GRID2: variants seen among roughly 807,000 people sequenced by gnomAD.
GRID2 encodes glutamate receptor ionotropic, delta-2.
In GRID2, 33 loss-of-function variants were observed where a neutral mutation model predicts 114.8. That is an observed-to-expected ratio of 0.29 (90% CI 0.22 to 0.38). GRID2 has a LOEUF of 0.38. GRID2 is among the 10% of genes least tolerant of loss of function. GRID2 has a pLI of 1.00. For missense variants in GRID2, 1,184 were observed against 1,257.7 expected (o/e 0.94, Z 0.89); for synonymous variants, 505 against 449.9 (o/e 1.12, Z -1.55).
chr4:92,705,980 G>A (rs1176147534), intron 2 of GRID2, among the ~76,000 whole-genome samples: 1 of 152,166 alleles, frequency 6.6e-6, no homozygotes, highest in Admixed American at 6.5e-5. Flanking sequence ...TTATTAGAGT[G>A]AAACGTTAGT....
At chr4:93,007,119 G>C (rs1721618618) in intron 2 of GRID2, among the ~76,000 whole-genome samples, 1 of 152,024 alleles carries the variant, frequency 6.6e-6, no homozygotes, top group South Asian at 2.1e-4. Flanking sequence ...TCAGCCATTA[G>C]GTAGCTACAG....
chr4:93,517,844 C>A lies in GRID2; in HGVS notation c.2193+2433C>A, dbSNP rs1024508480. On this transcript the variant is annotated intron_variant, in intron 13 of 15. Coordinates refer to ENST00000282020, the MANE Select transcript of GRID2 (RefSeq NM_001510.4). ...TCAGAGGTCTTTTAGGTCAACATTT[C>A]ACAAAAGGCCACACTTCTTCTATAA... Among the ~76,000 whole-genome samples the A allele has an allele frequency of 2.6e-5, 4 of 150,956 alleles. No homozygotes were observed. In the East Asian group the frequency reaches 7.9e-4, roughly 30 times the overall value.
chr4:93,390,730 TAG>T (rs1472834481), intron 8 of GRID2, among the ~76,000 whole-genome samples: 1 of 152,132 alleles, frequency 6.6e-6, no homozygotes, highest in Non-Finnish European at 1.5e-5. Flanking sequence ...TAGTTGATAA[TAG>T]AGTGATTATT....
intron 4 of GRID2, among the ~76,000 whole-genome samples, chr4:93,194,649 T>A (rs780805596): frequency 2.6e-5 from 4 of 152,198 alleles, no homozygotes; most frequent in Non-Finnish European, 5.9e-5. Context: ...ATGTGTCTGG[T>A]ACATTCTTCA....
chr4:93,426,591 C>A (rs921829394), intron 10 of GRID2, among the ~76,000 whole-genome samples: 1 of 151,936 alleles, frequency 6.6e-6, no homozygotes, highest in Admixed American at 6.6e-5. Context: ...ACTTTTTCAC[C>A]TATAAAAATG....
At chr4:92,538,981 G>A (rs1007294342) in intron 1 of GRID2, among the ~76,000 whole-genome samples, 5 of 150,774 alleles carry the variant, frequency 3.3e-5, no homozygotes, top group Non-Finnish European at 5.9e-5. Context: ...GGCGCAGCTT[G>A]CAGTGAGCCG....
At chr4:93,770,544 C>T (rs1734022858) in intron 15 of GRID2, among the ~76,000 whole-genome samples, 1 of 152,122 alleles carries the variant, frequency 6.6e-6, no homozygotes. Flanking sequence ...TAAGGAAAAG[C>T]TTGGCTTTAG....
intron 2 of GRID2, among the ~76,000 whole-genome samples, chr4:92,864,112 C>T (rs972438858): frequency 6.6e-6 from 1 of 152,072 alleles, no homozygotes; most frequent in African/African-American, 2.4e-5. Context: ...ACTAAAGTAC[C>T]TGACTAGCAG....
chr4:93,762,130 G>A (rs1733263411), intron 14 of GRID2, among the ~76,000 whole-genome samples: 2 of 152,074 alleles, frequency 1.3e-5, no homozygotes, highest in Non-Finnish European at 2.9e-5. Flanking sequence ...ACCATGGAGA[G>A]GAAAATTTTG....
At chr4:93,696,165 A>G (rs1727001126) in intron 14 of GRID2, among the ~76,000 whole-genome samples, 1 of 152,148 alleles carries the variant, frequency 6.6e-6, no homozygotes, top group Admixed American at 6.5e-5. Context: ...TATACTGACC[A>G]TGTTCCACCC....
intron 2 of GRID2, among the ~76,000 whole-genome samples, chr4:93,031,441 T>C (rs1724430915): frequency 6.6e-6 from 1 of 152,152 alleles, no homozygotes; most frequent in Admixed American, 6.5e-5. Flanking sequence ...CCACAAGCAT[T>C]TTGTAAATAC....
At chr4:93,616,055 G>A (rs534095179) in intron 13 of GRID2, among the ~76,000 whole-genome samples, 3 of 152,192 alleles carry the variant, frequency 2.0e-5, no homozygotes, top group Admixed American at 6.5e-5. Context: ...GTAGTCATAT[G>A]TCTAAAGGAG....
chr4:92,363,219 A>T (rs78452698), intron 1 of GRID2, among the ~76,000 whole-genome samples: 2,021 of 152,144 alleles, frequency 0.013, 39 homozygotes, highest in African/African-American at 0.046. Flanking sequence ...CTATATTTTA[A>T]CAAGTCCCCC....
At position 93,490,797 on chromosome 4, in the gene GRID2, A is replaced by T. The variant is rs773961230; in HGVS notation, c.1997+20A>T. The T allele has an allele frequency of 2.6e-6, 4 of 1,566,992 alleles. No individual in the cohort carries two copies. The South Asian group carries it at 4.5e-5, about 18-fold the overall frequency. On this transcript the variant is annotated intron_variant, in intron 12 of 15. Coordinates refer to ENST00000282020, the MANE Select transcript of GRID2 (RefSeq NM_001510.4). ...CATCCAGTAAGTAAACAATGTTTCC[A>T]TTAGCCACAAAATATGAGAAATGAT...
At chr4:93,608,371 T>C (rs1394464575) in intron 13 of GRID2, among the ~76,000 whole-genome samples, 1 of 144,064 alleles carries the variant, frequency 6.9e-6, no homozygotes, top group Non-Finnish European at 1.5e-5. Flanking sequence ...GCAGGTTAGT[T>C]ACATAGGTAT....
chr4:93,329,967 C>A (rs879422689), intron 8 of GRID2, among the ~76,000 whole-genome samples: 2 of 151,792 alleles, frequency 1.3e-5, no homozygotes, highest in Non-Finnish European at 2.9e-5. Context: ...AATCTGATTA[C>A]ATCTCCAGGG....
At chr4:92,461,154 A>C (rs1721474045) in intron 1 of GRID2, among the ~76,000 whole-genome samples, 1 of 151,854 alleles carries the variant, frequency 6.6e-6, no homozygotes, top group Non-Finnish European at 1.5e-5. Context: ...TGTTTAAAGT[A>C]AAATATTTTA....
At chr4:93,240,395 T>C (rs1264614834) in intron 8 of GRID2, among the ~76,000 whole-genome samples, 1 of 151,626 alleles carries the variant, frequency 6.6e-6, no homozygotes, top group African/African-American at 2.4e-5. Flanking sequence ...CTGCACCTTT[T>C]CCTACATATT....
rs552721455 is a variant in GRID2 at position 92,491,288 on chromosome 4, G to A, written c.89-98843G>A. On this transcript the variant is annotated intron_variant, in intron 1 of 15. Coordinates refer to ENST00000282020, the MANE Select transcript of GRID2 (RefSeq NM_001510.4). ...CTTGCATTTGTGACATCTTGGTTAAGGGGTCTTAGATAATATCAGCTATGC... is the reference window on the plus strand; with the variant it reads ...CTTGCATTTGTGACATCTTGGTTAAAGGGTCTTAGATAATATCAGCTATGC... 5.9e-5 allele frequency among the ~76,000 whole-genome samples: 9 copies of A among 152,218 alleles called. No individual in the cohort carries two copies. In the East Asian group the frequency reaches 1.7e-3, roughly 29 times the overall value.
Sources: gnomAD v4.1 joint callset for allele counts (sites outside exome capture counted in the v4.1 genomes callset) on GRCh38, gnomAD v4.1.1 for gene constraint, MANE v1.5 for transcripts, NCBI Gene and HGNC (gene_info 2026-07-23, HGNC 2026-07-21) for gene names.